Variants in BRINP3 observed in about 807,000 individuals in gnomAD.
BRINP3 encodes the protein BMP/retinoic acid inducible neural specific 3, also known as BMP/retinoic acid-inducible neural-specific protein 3.
In BRINP3, 19 loss-of-function variants were observed where a neutral mutation model predicts 71.0. The observed-to-expected ratio is 0.27, with a 90% CI of 0.19 to 0.39. The LOEUF is 0.39. Among genes scored for constraint, BRINP3 ranks in the 10% least tolerant of loss-of-function variants. BRINP3 has a pLI of 1.00. For missense variants in BRINP3, 959 were observed against 940.8 expected, an observed-to-expected ratio of 1.02 and a Z score of -0.25; for synonymous variants, 380 against 337.7, an observed-to-expected ratio of 1.13 and a Z score of -1.37.
At chr1:190,195,387 A>C (rs1174039340) in intron 6 of BRINP3, among the ~76,000 whole-genome samples, 1 of 152,032 alleles carries the variant, frequency 6.6e-6, no homozygotes, top group Admixed American at 6.6e-5. Context: ...TTTATTTTAC[A>C]GATTAAAAAT....
intron 6 of BRINP3, among the ~76,000 whole-genome samples, chr1:190,177,151 T>TTTTA (rs1491234132): frequency 1.3e-4 from 9 of 70,378 alleles, no homozygotes; most frequent in African/African-American, 5.4e-4. Context: ...CACCCACTTC[T>TTTTA]TTTTTTTTTT....
chr1:190,453,308 C>T (rs942087673), intron 2 of BRINP3, among the ~76,000 whole-genome samples: 1 of 142,284 alleles, frequency 7.0e-6, no homozygotes, highest in African/African-American at 2.6e-5. Context: ...GCAAGCTCCA[C>T]CTCCCGAGTT....
chr1:190,378,507 T>G (rs1363021775), intron 2 of BRINP3, among the ~76,000 whole-genome samples: 1 of 152,194 alleles, frequency 6.6e-6, no homozygotes, highest in Non-Finnish European at 1.5e-5. Context: ...CTAGAAATAG[T>G]GTATTCCTTT....
At chr1:190,193,424 T>C (rs1654217315) in intron 6 of BRINP3, among the ~76,000 whole-genome samples, 1 of 152,100 alleles carries the variant, frequency 6.6e-6, no homozygotes, top group Admixed American at 6.6e-5. Flanking sequence ...ATTCAACTGC[T>C]AAGAGCTTTT....
At chr1:190,152,577 T>C (rs1010127626) in intron 7 of BRINP3, among the ~76,000 whole-genome samples, 6 of 132,148 alleles carry the variant, frequency 4.5e-5, no homozygotes, top group African/African-American at 1.7e-4. Context: ...GACTCTGTTA[T>C]TATTGTCAAA....
At chr1:190,447,062 G>A (rs1260769860) in intron 2 of BRINP3, among the ~76,000 whole-genome samples, 1 of 151,774 alleles carries the variant, frequency 6.6e-6, no homozygotes, top group East Asian at 1.9e-4. Flanking sequence ...CAATATACAT[G>A]AAAGAGAAAT....
intron 2 of BRINP3, among the ~76,000 whole-genome samples, chr1:190,353,052 GA>G (rs141024693): frequency 0.19 from 28,231 of 150,392 alleles, 2,630 homozygotes; most frequent in Middle Eastern, 0.23. Context: ...AAAAAAAAAG[GA>G]AAACAAAATC....
intron 6 of BRINP3, among the ~76,000 whole-genome samples, chr1:190,221,035 T>G (rs983426903): frequency 6.6e-6 from 1 of 152,078 alleles, no homozygotes; most frequent in Non-Finnish European, 1.5e-5. Flanking sequence ...CTGGCCAACA[T>G]GGTGAAACCC....
intron 7 of BRINP3, among the ~76,000 whole-genome samples, chr1:190,132,664 C>T (rs1358374647): frequency 6.6e-6 from 1 of 151,968 alleles, no homozygotes; most frequent in East Asian, 1.9e-4. Flanking sequence ...TATTGTACTC[C>T]ATTTTATCCT....
intron 6 of BRINP3, among the ~76,000 whole-genome samples, chr1:190,165,418 G>A (rs1651409655): frequency 7.2e-6 from 1 of 138,018 alleles, no homozygotes; most frequent in African/African-American, 2.8e-5. Context: ...TGAACACATA[G>A]CAAGTATGCT....
At chr1:190,173,991 A>G (rs777210642) in intron 6 of BRINP3, among the ~76,000 whole-genome samples, 7 of 152,158 alleles carry the variant, frequency 4.6e-5, no homozygotes, top group Non-Finnish European at 8.8e-5. Context: ...AGGAAACAAC[A>G]TATCTATTTT....
rs199604258 is a variant in BRINP3 at position 190,308,572 on chromosome 1, G to A, written c.237-26822C>T. On this transcript the variant is annotated intron_variant, in intron 2 of 7. Transcript: ENST00000367462. ...ACGAGTTAATGGGTGCAGCACACCA[G>A]CATAGCACATGTATACATATGTAAC... Among the ~76,000 whole-genome samples the A allele has an allele frequency of 3.3e-3, 501 of 151,742 alleles. 5 individuals carry two copies. Among genetic ancestry groups the A allele is most frequent in the African/African-American group, 0.011 (470 of 41,406 alleles).
At chr1:190,142,830 GAA>G (rs71123072) in intron 7 of BRINP3, among the ~76,000 whole-genome samples, 3 of 145,754 alleles carry the variant, frequency 2.1e-5, no homozygotes, top group African/African-American at 5.0e-5. Flanking sequence ...TTTATTTAGG[GAA>G]AAAAAAAAAG....
At chr1:190,139,572 T>TG (rs1395664167) in intron 7 of BRINP3, among the ~76,000 whole-genome samples, 1 of 151,998 alleles carries the variant, frequency 6.6e-6, no homozygotes, top group Non-Finnish European at 1.5e-5. Flanking sequence ...TTTTTATGTG[T>TG]GAAAAAATAC....
intron 4 of BRINP3, among the ~76,000 whole-genome samples, chr1:190,260,378 CTA>C (rs1661078974): frequency 6.6e-6 from 1 of 152,014 alleles, no homozygotes. Context: ...AACCATTTCA[CTA>C]TGTTTAAATA....
rs1270904874 is a variant in BRINP3 at position 190,379,206 on chromosome 1, C to T, written c.236+75449G>A. On this transcript the variant is annotated intron_variant, in intron 2 of 7. Transcript: ENST00000367462. ...GATTTTTATTACATGATTTAAAAAA[C>T]AAAACAAAAAAACTACATTTTTATT... Among the ~76,000 whole-genome samples, 3 of 151,916 alleles carry T rather than the reference C, an allele frequency of 2.0e-5. No individual in the cohort carries two copies. The East Asian group carries it at 5.8e-4, about 29-fold the overall frequency.
chr1:190,371,168 C>T (rs1033424759), intron 2 of BRINP3, among the ~76,000 whole-genome samples: 18 of 152,148 alleles, frequency 1.2e-4, no homozygotes, highest in African/African-American at 4.3e-4. Context: ...TGTGCAAAAA[C>T]ATTTAGTTTG....
intron 2 of BRINP3, among the ~76,000 whole-genome samples, chr1:190,349,127 C>T (rs1018014647): frequency 6.6e-6 from 1 of 152,114 alleles, no homozygotes; most frequent in South Asian, 2.1e-4. Flanking sequence ...CTACTAAGCT[C>T]GGGTATATCT....
Position 190,152,900 on chromosome 1 carries a change from T to C in BRINP3, c.1184+7768A>G, listed in dbSNP as rs527545290. Among the ~76,000 whole-genome samples the C allele has an allele frequency of 3.3e-5, 5 of 152,214 alleles. No individual in the cohort carries two copies. The South Asian group carries it at 1.0e-3, about 32-fold the overall frequency. On this transcript the variant is annotated intron_variant, in intron 7 of 7. Coordinates refer to ENST00000367462, the MANE Select transcript of BRINP3 (RefSeq NM_199051.3). ...TACACATAATACATATAAATGAGTT[T>C]AAAAAACTAATTTCAACTCACAACT...
Sources: gnomAD v4.1 joint callset for allele counts (sites outside exome capture counted in the v4.1 genomes callset) on GRCh38, gnomAD v4.1.1 for gene constraint, MANE v1.5 for transcripts, NCBI Gene and HGNC (gene_info 2026-07-23, HGNC 2026-07-21) for gene names.